SLC24A2: variants seen among roughly 807,000 people sequenced by gnomAD.
SLC24A2 encodes the protein solute carrier family 24 member 2.
A neutral mutation model predicts 62.0 loss-of-function variants in SLC24A2; 36 were observed. The observed-to-expected ratio is 0.58, with a 90% CI of 0.44 to 0.77. The LOEUF (loss-of-function observed/expected upper bound fraction) is 0.77, where lower values mean the gene tolerates loss of function less well. SLC24A2 is among the 30% of genes least tolerant of loss of function. The pLI, the probability that SLC24A2 is intolerant of heterozygous loss-of-function variation, is 0.00. For synonymous variants in SLC24A2, 358 were observed against 294.0 expected (o/e 1.22, Z -2.23); for missense variants, 846 against 817.9 (o/e 1.03, Z -0.42).
chr9:19,950,605 T>A, the SLC24A2 span, among the ~76,000 whole-genome samples: 1 of 152,242 alleles, frequency 6.6e-6, no homozygotes, highest in African/African-American at 2.4e-5. Flanking sequence ...TCGATGAACA[T>A]TTATTAAGCA....
intron 2 of SLC24A2, among the ~76,000 whole-genome samples, chr9:19,628,675 T>C (rs1818096290): frequency 6.6e-6 from 1 of 152,190 alleles, no homozygotes; most frequent in Admixed American, 6.5e-5. Context: ...TATGCAATCA[T>C]CTATTAAGTC....
the SLC24A2 span, among the ~76,000 whole-genome samples, chr9:20,160,812 G>A: frequency 6.7e-6 from 1 of 150,172 alleles, no homozygotes; most frequent in Admixed American, 6.6e-5. Flanking sequence ...CAAATGAAAT[G>A]TTTTAAAAAT....
chr9:19,991,735 G>T, the SLC24A2 span, among the ~76,000 whole-genome samples: 1 of 152,152 alleles, frequency 6.6e-6, no homozygotes, highest in Non-Finnish European at 1.5e-5. Context: ...GACAGGAGAG[G>T]TTTTAAGTGA....
the SLC24A2 span, among the ~76,000 whole-genome samples, chr9:19,899,577 G>T: frequency 6.6e-6 from 1 of 152,178 alleles, no homozygotes; most frequent in Non-Finnish European, 1.5e-5. Context: ...ATGTTTATAA[G>T]ATATAACAAT....
the SLC24A2 span, among the ~76,000 whole-genome samples, chr9:20,163,770 G>A: frequency 3.9e-5 from 6 of 152,228 alleles, no homozygotes; most frequent in Non-Finnish European, 7.4e-5. Context: ...CACGGTACTG[G>A]TACCAAAACA....
chr9:20,091,889 T>C, the SLC24A2 span, among the ~76,000 whole-genome samples: 11 of 152,268 alleles, frequency 7.2e-5, no homozygotes, highest in African/African-American at 2.4e-4. Context: ...GGTACATATA[T>C]ACCATGGAAT....
At chr9:19,805,932 G>A in the SLC24A2 span, among the ~76,000 whole-genome samples, 1 of 151,684 alleles carries the variant, frequency 6.6e-6, no homozygotes, top group South Asian at 2.1e-4. Context: ...AGAGTGAAAT[G>A]TCACTATAGA....
the SLC24A2 span, among the ~76,000 whole-genome samples, chr9:20,044,483 G>C: frequency 6.6e-6 from 1 of 152,140 alleles, no homozygotes; most frequent in Admixed American, 6.5e-5. Context: ...TTGGGAGGCA[G>C]GGTTGTGCTC....
the SLC24A2 span, among the ~76,000 whole-genome samples, chr9:19,807,281 T>G: frequency 6.6e-6 from 1 of 152,208 alleles, no homozygotes; most frequent in Non-Finnish European, 1.5e-5. Flanking sequence ...GGTGATAGAT[T>G]TGAAATTTAT....
At chr9:19,583,434 G>A (rs1164417744) in intron 5 of SLC24A2, among the ~76,000 whole-genome samples, 1 of 152,140 alleles carries the variant, frequency 6.6e-6, no homozygotes, top group Non-Finnish European at 1.5e-5. Flanking sequence ...ATATCATTAT[G>A]ACTACAGATT....
chr9:20,295,699 G>A, the SLC24A2 span, among the ~76,000 whole-genome samples: 21 of 152,284 alleles, frequency 1.4e-4, no homozygotes, highest in East Asian at 3.3e-3. Context: ...TGAGCTCTGG[G>A]ACTTACACCA....
At chr9:19,543,625 T>C (rs1834394844) in intron 8 of SLC24A2, among the ~76,000 whole-genome samples, 1 of 152,198 alleles carries the variant, frequency 6.6e-6, no homozygotes, top group African/African-American at 2.4e-5. Context: ...GATTGTACGT[T>C]GTGTTGTTAG....
chr9:20,131,549 T>A, the SLC24A2 span, among the ~76,000 whole-genome samples: 1 of 152,126 alleles, frequency 6.6e-6, no homozygotes, highest in Non-Finnish European at 1.5e-5. Context: ...GTAGCAAAAG[T>A]CAAAGGCCTA....
chr9:20,079,282 C>A, the SLC24A2 span, among the ~76,000 whole-genome samples: 1 of 152,086 alleles, frequency 6.6e-6, no homozygotes, highest in African/African-American at 2.4e-5. Context: ...CTTTAAGCCA[C>A]AAAATTTATG....
At chr9:19,840,709 G>A in the SLC24A2 span, among the ~76,000 whole-genome samples, 1 of 152,068 alleles carries the variant, frequency 6.6e-6, no homozygotes, top group Non-Finnish European at 1.5e-5. Context: ...GCATATTTCT[G>A]TGTGACCTCC....
chr9:19,995,503 A>C, the SLC24A2 span, among the ~76,000 whole-genome samples: 1 of 152,204 alleles, frequency 6.6e-6, no homozygotes. Context: ...CCTGAGGACC[A>C]GGGTCTTTTT....
At chr9:19,590,666 A>T (rs1206374638) in intron 5 of SLC24A2, among the ~76,000 whole-genome samples, 1 of 151,962 alleles carries the variant, frequency 6.6e-6, no homozygotes, top group Non-Finnish European at 1.5e-5. Flanking sequence ...TTTTTAGGTG[A>T]GCCCTGCAAC....
chr9:20,282,835 T>C, the SLC24A2 span, among the ~76,000 whole-genome samples: 17,574 of 152,296 alleles, frequency 0.12, 1,096 homozygotes, highest in Non-Finnish European at 0.15. Flanking sequence ...ATACCTTTCA[T>C]GTTGGACATA....
chr9:20,305,316 C>A, the SLC24A2 span, among the ~76,000 whole-genome samples: 2 of 152,026 alleles, frequency 1.3e-5, no homozygotes, highest in Admixed American at 1.3e-4. Context: ...CCATGTTGGT[C>A]AGGATGGTCT....
Sources: allele counts gnomAD v4.1 joint callset (sites outside exome capture counted in the v4.1 genomes callset), GRCh38; gene constraint gnomAD v4.1.1; transcripts MANE v1.5; gene names NCBI Gene and HGNC (gene_info 2026-07-23, HGNC 2026-07-21).